RNGTT: variants seen among roughly 807,000 people sequenced by gnomAD.
The protein encoded by RNGTT is mRNA-capping enzyme.
Under a neutral mutation model 79.3 loss-of-function variants are expected in RNGTT, and 33 were observed. The observed-to-expected ratio is 0.42, with a 90% CI of 0.32 to 0.56. The LOEUF (loss-of-function observed/expected upper bound fraction) is 0.56. RNGTT is among the 20% of genes least tolerant of loss of function. The probability of loss-of-function intolerance (pLI) is 0.17; values close to 1 mark genes in which losing one functional copy is unlikely to be tolerated. For synonymous variants in RNGTT, 222 were observed against 235.9 expected, an observed-to-expected ratio of 0.94 and a Z score of 0.54; for missense variants, 497 against 739.1, an observed-to-expected ratio of 0.67 and a Z score of 3.80.
At chr6:88,849,250 GT>G (rs1781587175) in intron 10 of RNGTT, among the ~76,000 whole-genome samples, 1 of 151,888 alleles carries the variant, frequency 6.6e-6, no homozygotes, top group Non-Finnish European at 1.5e-5. Flanking sequence ...GAAGTTCTTT[GT>G]TTTAAATACA....
chr6:88,668,035 G>T (rs1774484534), intron 14 of RNGTT, among the ~76,000 whole-genome samples: 1 of 152,170 alleles, frequency 6.6e-6, no homozygotes, highest in Non-Finnish European at 1.5e-5. Context: ...AAATTGAGCT[G>T]CAATGACAGC....
intron 1 of RNGTT, among the ~76,000 whole-genome samples, chr6:88,949,164 A>AAAAAAAAAAAAAG: frequency 7.0e-6 from 1 of 143,612 alleles, no homozygotes; most frequent in East Asian, 2.0e-4. Flanking sequence ...AAAATGAAAA[A>AAAAAAAAAAAAAG]AAAAAAAAAA....
At chr6:88,764,406 T>C (rs1562240563) in intron 13 of RNGTT, among the ~76,000 whole-genome samples, 1 of 152,224 alleles carries the variant, frequency 6.6e-6, no homozygotes, top group Non-Finnish European at 1.5e-5. Context: ...GGAAATCTTG[T>C]ATCTCAACAG....
chr6:88,760,025 C>G (rs937196121), intron 13 of RNGTT, among the ~76,000 whole-genome samples: 1 of 151,878 alleles, frequency 6.6e-6, no homozygotes, highest in African/African-American at 2.4e-5. Context: ...GCGAAAGGTA[C>G]TAATGTAAAG....
intron 11 of RNGTT, among the ~76,000 whole-genome samples, chr6:88,810,917 G>T (rs1264500329): frequency 6.6e-6 from 1 of 152,134 alleles, no homozygotes; most frequent in Non-Finnish European, 1.5e-5. Flanking sequence ...ATGCTAATGG[G>T]ATATGAGGAC....
At chr6:88,673,963 T>G (rs1401882381) in intron 14 of RNGTT, among the ~76,000 whole-genome samples, 1 of 152,254 alleles carries the variant, frequency 6.6e-6, no homozygotes, top group Non-Finnish European at 1.5e-5. Flanking sequence ...TGCTGAAACC[T>G]ATTAGGATTC....
At chr6:88,790,660 TA>T (rs1401713457) in intron 12 of RNGTT, among the ~76,000 whole-genome samples, 4 of 152,230 alleles carry the variant, frequency 2.6e-5, no homozygotes, top group African/African-American at 9.6e-5. Flanking sequence ...ATTTTGACAT[TA>T]TTTTTAAAAT....
Position 88,904,935 on chromosome 6 carries a change from G to C in RNGTT, c.464C>G (p.Thr155Ser). The C allele has an allele frequency of 6.2e-7, 1 of 1,613,970 alleles. No individual in the cohort carries two copies. Among genetic ancestry groups the C allele is most frequent in the Non-Finnish European group, 8.5e-7 (1 of 1,179,956 alleles). ...MDWSIEAAVA[T>S]FAQARPPGIY... ...TCCTGGTGGTCTGGCTTGGGCAAAA[G>C]TAGCAACTGCTGCTTCGATACTATA... Residue 155 changes from threonine to serine, a missense_variant, in exon 6 of 16, where the codon ACT becomes AGT. This residue lies in a region of RNGTT where 440 missense variants were observed against 671.5 expected (regional missense o/e 0.66). Coordinates refer to ENST00000369485, the MANE Select transcript of RNGTT (RefSeq NM_003800.5).
intron 13 of RNGTT, among the ~76,000 whole-genome samples, chr6:88,759,105 C>T (rs1297952431): frequency 6.6e-6 from 1 of 152,056 alleles, no homozygotes; most frequent in Non-Finnish European, 1.5e-5. Flanking sequence ...ATCTCTTCTG[C>T]TCATTTATTA....
At chr6:88,889,773 A>T (rs1268004412) in intron 8 of RNGTT, among the ~76,000 whole-genome samples, 1 of 152,192 alleles carries the variant, frequency 6.6e-6, no homozygotes, top group East Asian at 1.9e-4. Flanking sequence ...AGCCTGGGCA[A>T]CATAAGGAGA....
chr6:88,769,747 G>T, intron 13 of RNGTT, 27 bp downstream of exon 13: 2 of 1,402,318 alleles, frequency 1.4e-6, no homozygotes, highest in Non-Finnish European at 2.0e-6. Context: ...ATTATTTCAT[G>T]CAAAAAGTAC....
intron 11 of RNGTT, among the ~76,000 whole-genome samples, chr6:88,805,209 T>C (rs1779916284): frequency 6.6e-6 from 1 of 152,194 alleles, no homozygotes; most frequent in Non-Finnish European, 1.5e-5. Context: ...TGAACTCATG[T>C]CTTCTTTGGT....
intron 14 of RNGTT, among the ~76,000 whole-genome samples, chr6:88,649,475 A>G (rs920525961): frequency 5.9e-5 from 9 of 152,196 alleles, no homozygotes; most frequent in Admixed American, 1.3e-4. Context: ...GAGGCGGTGG[A>G]TCACGAGGTC....
intron 13 of RNGTT, among the ~76,000 whole-genome samples, chr6:88,759,620 C>A (rs1410393826): frequency 6.6e-6 from 1 of 152,118 alleles, no homozygotes; most frequent in Non-Finnish European, 1.5e-5. Context: ...TTCTTCACTG[C>A]CTTCCTCCAT....
At chr6:88,771,450 T>C (rs1184594261) in intron 12 of RNGTT, among the ~76,000 whole-genome samples, 2 of 151,200 alleles carry the variant, frequency 1.3e-5, no homozygotes. Context: ...TTACTATAAC[T>C]TTATACATTT....
At chr6:88,655,471 T>C (rs1773943309) in intron 14 of RNGTT, among the ~76,000 whole-genome samples, 1 of 152,210 alleles carries the variant, frequency 6.6e-6, no homozygotes, top group Non-Finnish European at 1.5e-5. Context: ...TCCTTGGTGG[T>C]AGAGATTTTT....
At chr6:88,953,799 A>C (rs1785336489) in intron 1 of RNGTT, among the ~76,000 whole-genome samples, 1 of 152,232 alleles carries the variant, frequency 6.6e-6, no homozygotes, top group South Asian at 2.1e-4. Flanking sequence ...ACAAGCCAGA[A>C]GGGATTGGGG....
At chr6:88,857,959 G>A (rs1057019070) in intron 8 of RNGTT, among the ~76,000 whole-genome samples, 5 of 152,144 alleles carry the variant, frequency 3.3e-5, no homozygotes, top group African/African-American at 1.2e-4. Flanking sequence ...CAGAAATGTA[G>A]TCTATAATCA....
At chr6:88,962,035 G>GA (rs1785646244) in intron 1 of RNGTT, among the ~76,000 whole-genome samples, 1 of 152,144 alleles carries the variant, frequency 6.6e-6, no homozygotes, top group Non-Finnish European at 1.5e-5. Context: ...TATGCTGAGT[G>GA]AAAAAAGCCA....
Sources: allele counts gnomAD v4.1 joint callset (sites outside exome capture counted in the v4.1 genomes callset), GRCh38; gene constraint gnomAD v4.1.1; regional missense constraint gnomAD v4.1.1; transcripts MANE v1.5; gene names NCBI Gene and HGNC (gene_info 2026-07-23, HGNC 2026-07-21).